The following CAMK2D variants were observed in gnomAD, a reference collection of about 807,000 sequenced individuals.
CAMK2D encodes the protein calcium/calmodulin-dependent protein kinase type II subunit delta.
A neutral mutation model predicts 84.0 loss-of-function variants in CAMK2D; 37 were observed. The observed-to-expected ratio is 0.44, with a 90% CI of 0.34 to 0.58. CAMK2D has a LOEUF of 0.58. Ranked by LOEUF, CAMK2D falls within the 20% of genes least tolerant of loss-of-function variation. CAMK2D has a pLI of 0.02. For synonymous variants in CAMK2D, 202 were observed against 212.5 expected (o/e 0.95, Z 0.43); for missense variants, 448 against 652.5 (o/e 0.69, Z 3.41).
At chr4:113,483,917 G>A (rs1463941569) in intron 16 of CAMK2D, among the ~76,000 whole-genome samples, 1 of 152,126 alleles carries the variant, frequency 6.6e-6, no homozygotes, top group African/African-American at 2.4e-5. Flanking sequence ...GCATCTATGA[G>A]AATGTCTGTT....
intron 4 of CAMK2D, among the ~76,000 whole-genome samples, chr4:113,606,822 C>G (rs1284963589): frequency 6.6e-6 from 1 of 151,964 alleles, no homozygotes; most frequent in African/African-American, 2.4e-5. Context: ...CCAAGCCAAG[C>G]AAGATACATC....
rs935811555 is a variant in CAMK2D, at chr4:113,452,778, T to C, written c.*1767A>G. The C allele has an allele frequency of 6.6e-6, 1 of 152,554 alleles. No individual in the cohort carries two copies. Among genetic ancestry groups the C allele is most frequent in the Non-Finnish European group, 1.5e-5 (1 of 68,030 alleles). The allele number at this position is 152,554 out of a possible 1,614,324, so 9.5% of individuals were successfully genotyped here. A position where few individuals can be genotyped will look rare whatever the true frequency, so the allele number is the denominator to read the frequency against. ...GGCCATTATTTTTTCACAGATCTCA[T>C]TGGCAGGTTAACATGGCTCAATATA... On this transcript the variant is annotated 3_prime_UTR_variant, in exon 21 of 21. Coordinates refer to ENST00000511664, the MANE Select transcript of CAMK2D (RefSeq NM_001321571.2).
chr4:113,548,232 G>T (rs930188487), intron 5 of CAMK2D, among the ~76,000 whole-genome samples: 2 of 152,010 alleles, frequency 1.3e-5, no homozygotes, highest in African/African-American at 4.8e-5. Flanking sequence ...CTTGCCTAAG[G>T]GTTCATCAGA....
chr4:113,527,677 T>C (rs1417963368), intron 8 of CAMK2D, among the ~76,000 whole-genome samples: 1 of 152,194 alleles, frequency 6.6e-6, no homozygotes, highest in East Asian at 1.9e-4. Flanking sequence ...GGTTTCTTTT[T>C]AGTGGATCTG....
intron 4 of CAMK2D, among the ~76,000 whole-genome samples, chr4:113,581,529 A>AAAAAGAAAAAAAAAG (rs1553973880): frequency 8.2e-6 from 1 of 121,878 alleles, no homozygotes; most frequent in Non-Finnish European, 1.6e-5. Flanking sequence ...AAAAAAAAAA[A>AAAAAGAAAAAAAAAG]AAAAGAAAAG....
In CAMK2D at chr4:113,455,787, A is replaced by T; in HGVS notation, c.1570T>A (p.Ser524Thr). 6.2e-7 allele frequency: 1 copy of T among 1,612,500 alleles called. No individual in the cohort carries two copies. Among genetic ancestry groups the T allele is most frequent in the South Asian group, 1.1e-5 (1 of 91,028 alleles). Residue 524 changes from serine to threonine, a missense_variant, in exon 20 of 21, where the codon TCA (serine) becomes ACA (threonine). This residue lies in a region of CAMK2D where 219 missense variants were observed against 272.1 expected (regional missense o/e 0.80). Coordinates refer to ENST00000511664, the MANE Select transcript of CAMK2D (RefSeq NM_001321571.2). Reference sequence around the variant, plus strand: ...TTTTGCCACAAAGAGGTGCCTCCTGAGAAGTTTTCTTTCCCATTTGGAATA... The same window carrying T: ...TTTTGCCACAAAGAGGTGCCTCCTGTGAAGTTTTCTTTCCCATTTGGAATA... ...PCIPNGKENF[S>T]GGTSLWQNI
At chr4:113,589,820 G>A (rs914183800) in intron 4 of CAMK2D, among the ~76,000 whole-genome samples, 4 of 152,064 alleles carry the variant, frequency 2.6e-5, no homozygotes, top group Non-Finnish European at 5.9e-5. Context: ...CCATGATACT[G>A]GATGAGATTC....
intron 16 of CAMK2D, among the ~76,000 whole-genome samples, chr4:113,475,837 G>C (rs1222342642): frequency 6.6e-6 from 1 of 152,086 alleles, no homozygotes; most frequent in East Asian, 1.9e-4. Flanking sequence ...TCATTACAAA[G>C]TCCATCACTA....
intron 2 of CAMK2D, among the ~76,000 whole-genome samples, chr4:113,719,370 C>A (rs926744819): frequency 1.3e-5 from 2 of 152,158 alleles, no homozygotes; most frequent in South Asian, 2.1e-4. Flanking sequence ...TGATATTAAC[C>A]AATTTGCTTT....
At position 113,497,701 on chromosome 4, in the gene CAMK2D, G is replaced by C. The variant is rs1008339209; in HGVS notation, c.1135+2762C>G. On this transcript the variant is annotated intron_variant, in intron 16 of 20. Transcript: ENST00000511664. The stretch of plus-strand genomic sequence containing the variant: ...GAGGACACAGAAGCTGTCCCTGCCA[G>C]GTTAGTCCTTGGGGATGGGGCAGAA... Among the ~76,000 whole-genome samples the C allele has an allele frequency of 2.6e-5, 4 of 152,328 alleles. 1 individual carries two copies. In the South Asian group the frequency reaches 8.3e-4, roughly 32 times the overall value.
intron 2 of CAMK2D, among the ~76,000 whole-genome samples, chr4:113,737,578 C>T (rs1014567447): frequency 1.3e-5 from 2 of 152,050 alleles, no homozygotes; most frequent in South Asian, 2.1e-4. Context: ...AGTTGTACGA[C>T]GATGTGAATA....
chr4:113,624,505 C>T (rs548959433), intron 3 of CAMK2D, among the ~76,000 whole-genome samples: 21 of 152,302 alleles, frequency 1.4e-4, no homozygotes, highest in African/African-American at 4.8e-4. Context: ...TATTCCTTTG[C>T]TCTGACTTTA....
At chr4:113,615,960 T>G (rs937448260) in intron 3 of CAMK2D, among the ~76,000 whole-genome samples, 1 of 152,104 alleles carries the variant, frequency 6.6e-6, no homozygotes, top group South Asian at 2.1e-4. Flanking sequence ...GGATATGTAT[T>G]TTTGAAAAAC....
intron 16 of CAMK2D, among the ~76,000 whole-genome samples, chr4:113,473,585 T>C (rs945202547): frequency 1.3e-5 from 2 of 152,216 alleles, no homozygotes; most frequent in African/African-American, 4.8e-5. Flanking sequence ...AGTCACCTGT[T>C]GAATAACATC....
intron 4 of CAMK2D, among the ~76,000 whole-genome samples, chr4:113,575,369 C>A (rs182130749): frequency 6.4e-4 from 97 of 152,236 alleles, no homozygotes; most frequent in Non-Finnish European, 9.7e-4. Context: ...TTCAAAATAA[C>A]AAAAGCTCCT....
chr4:113,650,377 C>A (rs533075014), intron 3 of CAMK2D, among the ~76,000 whole-genome samples: 1 of 150,120 alleles, frequency 6.7e-6, no homozygotes, highest in Non-Finnish European at 1.5e-5. Flanking sequence ...AATAGCCAGG[C>A]ATGGTGGTGC....
At chr4:113,661,364 A>G (rs1486812263) in intron 3 of CAMK2D, among the ~76,000 whole-genome samples, 1 of 152,208 alleles carries the variant, frequency 6.6e-6, no homozygotes, top group Non-Finnish European at 1.5e-5. Context: ...TAAAGCTAAT[A>G]TAACCAGGGA....
At chr4:113,699,225 A>C (rs2099411290) in intron 2 of CAMK2D, among the ~76,000 whole-genome samples, 1 of 152,140 alleles carries the variant, frequency 6.6e-6, no homozygotes, top group Non-Finnish European at 1.5e-5. Flanking sequence ...CATGGAATTA[A>C]AGTAAAAACC....
chr4:113,635,665 G>A (rs2099107249), intron 3 of CAMK2D, among the ~76,000 whole-genome samples: 1 of 152,140 alleles, frequency 6.6e-6, no homozygotes, highest in African/African-American at 2.4e-5. Context: ...AAAATACAGT[G>A]GGCATAATGT....
Sources: allele counts gnomAD v4.1 joint callset (sites outside exome capture counted in the v4.1 genomes callset), GRCh38; gene constraint gnomAD v4.1.1; regional missense constraint gnomAD v4.1.1; transcripts MANE v1.5; gene names NCBI Gene and HGNC (gene_info 2026-07-23, HGNC 2026-07-21).